PAM: variants seen among roughly 807,000 people sequenced by gnomAD.
PAM encodes peptidylglycine alpha-amidating monooxygenase, also known as peptidyl-glycine alpha-amidating monooxygenase.
PAM carries 72 observed loss-of-function variants against 122.1 expected under a neutral mutation model. The ratio of observed to expected loss-of-function variants is 0.59; its 90% confidence interval spans 0.49 to 0.72. The LOEUF (loss-of-function observed/expected upper bound fraction) is 0.72, where lower values mean the gene tolerates loss of function less well. Ranked by LOEUF, PAM falls within the 30% of genes least tolerant of loss-of-function variation. The pLI, the probability that PAM is intolerant of heterozygous loss-of-function variation, is 0.00. For synonymous variants in PAM, 389 were observed against 404.4 expected (o/e 0.96, Z 0.46); for missense variants, 1,106 against 1,183.7 (o/e 0.93, Z 0.96).
In PAM at chr5:102,960,035, G is replaced by T. The variant is rs759258064; in HGVS notation, c.1066G>T (p.Val356Phe). 9 of 1,602,034 alleles carry T rather than the reference G, an allele frequency of 5.6e-6. No individual in the cohort carries two copies. The highest frequency in any genetic ancestry group is 7.7e-6 in the Non-Finnish European group (9 of 1,170,356). ...TCCAATTCCCGTGAAGTCTGATATG[G>T]TTATGATGCATGAACATCATAAAGG... ...NIPIPVKSDM[V>F]MMHEHHKETE... Residue 356 changes from valine (V) to phenylalanine (F), a missense_variant, in exon 13 of 26, where the codon GTT (valine) becomes TTT (phenylalanine). Physicochemically the swap from Val to Phe is conservative, Grantham distance 50. Transcript: ENST00000438793.
chr5:102,858,607 A>T (rs547419042), intron 1 of PAM, among the ~76,000 whole-genome samples: 3 of 152,358 alleles, frequency 2.0e-5, no homozygotes, highest in Non-Finnish European at 2.9e-5. Flanking sequence ...TAACTTTCAG[A>T]TAGCAGTTAA....
At chr5:102,914,938 A>G (rs1802645056) in intron 5 of PAM, among the ~76,000 whole-genome samples, 2 of 152,116 alleles carry the variant, frequency 1.3e-5, no homozygotes, top group Admixed American at 6.6e-5. Context: ...TGCCTGTCAT[A>G]TGCCAGAGCT....
At chr5:102,765,455 G>C (rs1753627826) in intron 1 of PAM, among the ~76,000 whole-genome samples, 2 of 152,138 alleles carry the variant, frequency 1.3e-5, no homozygotes, top group Non-Finnish European at 2.9e-5. Context: ...CTAAATTGCA[G>C]GTTCTTCACA....
chr5:103,011,935 C>T (rs1780748626), intron 21 of PAM, among the ~76,000 whole-genome samples: 1 of 152,142 alleles, frequency 6.6e-6, no homozygotes, highest in Non-Finnish European at 1.5e-5. Context: ...TATCACCTGA[C>T]TTTTGGATGA....
chr5:102,850,941 C>T (rs1781213762), intron 1 of PAM, among the ~76,000 whole-genome samples: 1 of 152,008 alleles, frequency 6.6e-6, no homozygotes, highest in Non-Finnish European at 1.5e-5. Flanking sequence ...ATTGGTGGGA[C>T]AAATGTGGGG....
At position 103,029,144 on chromosome 5, in the gene PAM, G is replaced by T. The variant is rs1465481937; in HGVS notation, c.*79G>T. The T allele has an allele frequency of 1.7e-6, 2 of 1,206,834 alleles. No individual in the cohort carries two copies. Among genetic ancestry groups the T allele is most frequent in the African/African-American group, 1.5e-5 (1 of 65,908 alleles). 74.8% of individuals were successfully genotyped at this position (1,206,834 alleles called of 1,614,324 possible). ...TTCCCTTTAGCACGTTTAAAGTTCT[G>T]TGTATTTAATTGTAAACTGTACTAG... On this transcript the variant is annotated 3_prime_UTR_variant, in exon 26 of 26. Coordinates refer to ENST00000438793, the MANE Select transcript of PAM (RefSeq NM_001177306.2).
At chr5:102,882,110 T>TATATATAC (rs1561748160) in intron 3 of PAM, among the ~76,000 whole-genome samples, 11 of 103,786 alleles carry the variant, frequency 1.1e-4, no homozygotes, top group South Asian at 3.5e-4. Context: ...TATATATATA[T>TATATATAC]ACACCACATT....
chr5:102,918,684 T>C (rs1746334384), intron 5 of PAM, among the ~76,000 whole-genome samples: 2 of 152,116 alleles, frequency 1.3e-5, no homozygotes, highest in African/African-American at 4.8e-5. Context: ...TTGAAAATCA[T>C]AATATTTTGT....
chr5:102,906,282 A>G (rs1799522745), intron 4 of PAM, among the ~76,000 whole-genome samples: 3 of 151,562 alleles, frequency 2.0e-5, no homozygotes, highest in African/African-American at 7.3e-5. Context: ...CCCCCAACCT[A>G]CCACCTCCTC....
intron 12 of PAM, among the ~76,000 whole-genome samples, chr5:102,952,756 G>C (rs1351777739): frequency 6.6e-6 from 1 of 152,108 alleles, no homozygotes; most frequent in Non-Finnish European, 1.5e-5. Flanking sequence ...GATGATTACA[G>C]GATCACAGTT....
At chr5:103,006,623 G>C (rs775014756) in intron 18 of PAM, among the ~76,000 whole-genome samples, 178 bp from the exon 19 acceptor site, 1 of 152,160 alleles carries the variant, frequency 6.6e-6, no homozygotes, top group Non-Finnish European at 1.5e-5. Flanking sequence ...TCAAATGAAG[G>C]AACCAGACCA....
At chr5:102,908,281 G>A (rs1237732928) in intron 4 of PAM, among the ~76,000 whole-genome samples, 2 of 151,854 alleles carry the variant, frequency 1.3e-5, no homozygotes, top group Non-Finnish European at 2.9e-5. Flanking sequence ...TCAGATAGTT[G>A]TAGATATGCG....
intron 5 of PAM, among the ~76,000 whole-genome samples, chr5:102,914,431 A>C (rs1204203767): frequency 6.6e-6 from 1 of 152,092 alleles, no homozygotes. Flanking sequence ...GGAATCTAAA[A>C]TAAAACAGAT....
intron 8 of PAM, 135 bp downstream of exon 8, chr5:102,947,020 C>A (rs939670259): frequency 1.4e-6 from 1 of 695,778 alleles, no homozygotes. Context: ...TATGTATTGT[C>A]TCATTTTCCT....
Position 102,942,107 on chromosome 5 carries a change from G to C in PAM, c.527-4730G>C, listed in dbSNP as rs567008735. ...ACAACATGGCCCAACTGACACAGCT[G>C]ACAGCAATCTGTTCCAATGCTAAGG... On this transcript the variant is annotated intron_variant, in intron 7 of 25. Coordinates refer to ENST00000438793, the MANE Select transcript of PAM (RefSeq NM_001177306.2). Among the ~76,000 whole-genome samples the C allele has an allele frequency of 2.6e-5, 4 of 151,888 alleles. No homozygotes were observed. In the East Asian group the frequency reaches 7.7e-4, roughly 29 times the overall value.
intron 1 of PAM, among the ~76,000 whole-genome samples, chr5:102,802,876 C>T (rs80263979): frequency 0.026 from 4,006 of 152,126 alleles, 106 homozygotes; most frequent in East Asian, 0.14. Context: ...ATTGTTCTTC[C>T]CTTTTTGAAA....
At chr5:102,960,608 T>C (rs1377490180) in intron 13 of PAM, among the ~76,000 whole-genome samples, 1 of 151,960 alleles carries the variant, frequency 6.6e-6, no homozygotes, top group Non-Finnish European at 1.5e-5. Context: ...ATGGTCATAT[T>C]GACTGTCACT....
intron 3 of PAM, among the ~76,000 whole-genome samples, chr5:102,885,999 C>T (rs1334918539): frequency 6.6e-6 from 1 of 151,998 alleles, no homozygotes; most frequent in Non-Finnish European, 1.5e-5. Flanking sequence ...GACCTTGTAT[C>T]ATTTATTTTC....
chr5:102,917,431 A>G (rs1482739950), intron 5 of PAM, among the ~76,000 whole-genome samples: 1 of 152,202 alleles, frequency 6.6e-6, no homozygotes, highest in East Asian at 1.9e-4. Flanking sequence ...TTTCACATAT[A>G]TTTTGGGGAT....
Sources: gnomAD v4.1 joint callset for allele counts (sites outside exome capture counted in the v4.1 genomes callset) on GRCh38, gnomAD v4.1.1 for gene constraint, MANE v1.5 for transcripts, NCBI Gene and HGNC (gene_info 2026-07-23, HGNC 2026-07-21) for gene names.